The following CSGALNACT1 variants were observed in gnomAD, a reference collection of about 807,000 sequenced individuals.
CSGALNACT1 encodes the protein beta4GalNAcT-1.
A neutral mutation model predicts 51.0 loss-of-function variants in CSGALNACT1; 52 were observed. The ratio of observed to expected loss-of-function variants is 1.02; its 90% CI spans 0.82 to 1.29. The LOEUF (loss-of-function observed/expected upper bound fraction) is 1.29, where lower values mean the gene tolerates loss of function less well. CSGALNACT1 is among the 50% of genes most tolerant of loss of function. The pLI is 0.00. For synonymous variants in CSGALNACT1, 341 were observed against 254.4 expected, an observed-to-expected ratio of 1.34 and a Z score of -3.24; for missense variants, 935 against 679.2, an observed-to-expected ratio of 1.38 and a Z score of -4.19.
chr8:19,524,802 A>G (rs1203908877), intron 3 of CSGALNACT1, among the ~76,000 whole-genome samples: 3 of 152,210 alleles, frequency 2.0e-5, no homozygotes, highest in East Asian at 1.9e-4. Context: ...TCCCCGCTCA[A>G]TGACAGAACA....
At chr8:19,554,830 A>G (rs979011355) in intron 3 of CSGALNACT1, among the ~76,000 whole-genome samples, 1 of 152,134 alleles carries the variant, frequency 6.6e-6, no homozygotes, top group Non-Finnish European at 1.5e-5. Flanking sequence ...AGACAGGATA[A>G]TCACTTGAAC....
intron 1 of CSGALNACT1, among the ~76,000 whole-genome samples, chr8:19,748,617 C>T (rs900556748): frequency 6.6e-6 from 1 of 152,042 alleles, no homozygotes; most frequent in African/African-American, 2.4e-5. Flanking sequence ...TCAGCAAACC[C>T]CTCAGTAAAA....
intron 6 of CSGALNACT1, among the ~76,000 whole-genome samples, chr8:19,438,769 G>A (rs7012529): frequency 0.67 from 101,662 of 152,072 alleles, 34,178 homozygotes; most frequent in East Asian, 0.84. Context: ...TTGGCCAGTG[G>A]GCTGTAGTTT....
chr8:19,453,102 A>C (rs1294188586), intron 5 of CSGALNACT1, among the ~76,000 whole-genome samples: 5 of 152,242 alleles, frequency 3.3e-5, no homozygotes, highest in Non-Finnish European at 7.3e-5. Context: ...CCCAAGAATC[A>C]GAATAAAATT....
chr8:19,613,700 C>T (rs1233301867), intron 1 of CSGALNACT1, among the ~76,000 whole-genome samples: 1 of 152,172 alleles, frequency 6.6e-6, no homozygotes, highest in Admixed American at 6.5e-5. Flanking sequence ...CATAATCAGC[C>T]CCTGTGACTT....
chr8:19,727,082 C>T (rs1349120165), intron 1 of CSGALNACT1, among the ~76,000 whole-genome samples: 1 of 152,168 alleles, frequency 6.6e-6, no homozygotes, highest in Non-Finnish European at 1.5e-5. Flanking sequence ...CTGGGTCACA[C>T]ATCCATTCCT....
intron 3 of CSGALNACT1, among the ~76,000 whole-genome samples, chr8:19,507,528 GAAAAAA>G (rs35759799): frequency 0.078 from 5,870 of 74,894 alleles, 134 homozygotes; most frequent in Non-Finnish European, 0.094. Context: ...ATCTTAGCCA[GAAAAAA>G]AAAAAAAAAA....
intron 1 of CSGALNACT1, among the ~76,000 whole-genome samples, chr8:19,747,240 C>T (rs889266600): frequency 3.3e-5 from 5 of 151,052 alleles, no homozygotes; most frequent in Admixed American, 2.6e-4. Context: ...AGGTCAATGT[C>T]TTGAGTAGGA....
chr8:19,462,092 A>C (rs1166709925), intron 4 of CSGALNACT1, among the ~76,000 whole-genome samples: 1 of 152,174 alleles, frequency 6.6e-6, no homozygotes, highest in Non-Finnish European at 1.5e-5. Flanking sequence ...TCTGCACAGC[A>C]GCCACGTTTG....
chr8:19,713,361 T>C (rs779817285), intron 1 of CSGALNACT1, among the ~76,000 whole-genome samples: 2 of 152,130 alleles, frequency 1.3e-5, no homozygotes, highest in African/African-American at 4.8e-5. Context: ...AGAGAGTGAG[T>C]TGGATTTCCC....
intron 6 of CSGALNACT1, among the ~76,000 whole-genome samples, chr8:19,437,407 G>C (rs1327798658): frequency 6.6e-6 from 1 of 152,166 alleles, no homozygotes; most frequent in Non-Finnish European, 1.5e-5. Context: ...AAGGCAGTGA[G>C]GGAGGTAGGA....
chr8:19,683,732 G>A (rs2060798478), upstream of CSGALNACT1, among the ~76,000 whole-genome samples: 1 of 152,020 alleles, frequency 6.6e-6, no homozygotes, highest in African/African-American at 2.4e-5. Context: ...ATCCCAAAAG[G>A]ATTTTTTCTA....
In CSGALNACT1 at chr8:19,435,481, G is replaced by A. The variant is rs567713458; in HGVS notation, c.953+4349C>T. On this transcript the variant is annotated intron_variant, in intron 6 of 9. Transcript: ENST00000454498. ...GCACTCCAGCCTGGTAAAAAAGTGA[G>A]ACTCTGAATCAAAAAAAAAAAAAAA... 2.0e-3 allele frequency among the ~76,000 whole-genome samples: 278 copies of A among 137,506 alleles called. 1 individual carries two copies. Among genetic ancestry groups the A allele is most frequent in the African/African-American group, 7.5e-3 (260 of 34,830 alleles). 90.2% of individuals were successfully genotyped at this position (137,506 alleles called of 152,430 possible).
chr8:19,756,713 C>G (rs1341954167), intron 1 of CSGALNACT1, among the ~76,000 whole-genome samples: 1 of 152,166 alleles, frequency 6.6e-6, no homozygotes, highest in African/African-American at 2.4e-5. Flanking sequence ...GCGCTGCCCA[C>G]CGGCCACCCT....
intron 1 of CSGALNACT1, among the ~76,000 whole-genome samples, chr8:19,672,178 G>A (rs192361630): frequency 6.6e-6 from 1 of 152,164 alleles, no homozygotes; most frequent in Admixed American, 6.5e-5. Flanking sequence ...CCCACACATG[G>A]CAATTTTTTC....
intron 1 of CSGALNACT1, among the ~76,000 whole-genome samples, chr8:19,639,458 G>C (rs2056489845): frequency 6.6e-6 from 1 of 152,182 alleles, no homozygotes; most frequent in South Asian, 2.1e-4. Flanking sequence ...AAGCCAAAGA[G>C]TTGCTAAAAT....
intron 4 of CSGALNACT1, among the ~76,000 whole-genome samples, chr8:19,471,140 G>A (rs549664394): frequency 1.9e-4 from 28 of 148,620 alleles, no homozygotes; most frequent in African/African-American, 3.5e-4. Context: ...GAGAGAGAGA[G>A]AAAAAAAAAG....
chr8:19,569,815 C>T (rs2042628527), intron 3 of CSGALNACT1, among the ~76,000 whole-genome samples: 1 of 152,152 alleles, frequency 6.6e-6, no homozygotes, highest in Admixed American at 6.5e-5. Flanking sequence ...ACTAAATTAT[C>T]CATCAACAGT....
At chr8:19,405,724 T>C (rs1416599643) in exon 10 of CSGALNACT1, 1 of 1,608,848 alleles carries the variant, frequency 6.2e-7, no homozygotes. Flanking sequence ...TTGCAGCCAC[T>C]TTCAGTAATT....
Sources: gnomAD v4.1 joint callset for allele counts (sites outside exome capture counted in the v4.1 genomes callset) on GRCh38, gnomAD v4.1.1 for gene constraint, MANE v1.5 for transcripts, NCBI Gene and HGNC (gene_info 2026-07-23, HGNC 2026-07-21) for gene names.